Variants in NKAIN2 observed in about 807,000 individuals in gnomAD.
NKAIN2 encodes sodium/potassium-transporting ATPase subunit beta-1-interacting protein 2.
In NKAIN2, 14 loss-of-function variants were observed where a neutral mutation model predicts 32.6. The observed-to-expected ratio is 0.43, with a 90% confidence interval of 0.28 to 0.67. The LOEUF is 0.67. Among genes scored for constraint, NKAIN2 ranks in the 30% least tolerant of loss-of-function variants. The pLI, the probability that NKAIN2 is intolerant of heterozygous loss-of-function variation, is 0.17. For missense variants in NKAIN2, 198 were observed against 258.3 expected (o/e 0.77, Z 1.60); for synonymous variants, 80 against 87.2 (o/e 0.92, Z 0.46).
In NKAIN2 at chr6:124,824,648, A is replaced by G. The variant is rs1222432611; in HGVS notation, c.*1419A>G. ...CTCAGGCTTATCAGGAACTCAGATG[A>G]GTCATATTTTTTCTTGGATACACCT... On this transcript the variant is annotated 3_prime_UTR_variant, in exon 7 of 7. Transcript: ENST00000368417. 6.6e-6 allele frequency: 1 copy of G among 152,188 alleles called. No homozygotes were observed. Among genetic ancestry groups the G allele is most frequent in the African/African-American group, 2.4e-5 (1 of 41,446 alleles). The allele number at this position is 152,188 out of a possible 1,614,324, so 9.4% of individuals were successfully genotyped here. A position where few individuals can be genotyped will look rare whatever the true frequency, so the allele number is the denominator to read the frequency against.
chr6:124,549,985 A>C (rs1209657132), intron 3 of NKAIN2, among the ~76,000 whole-genome samples: 1 of 152,150 alleles, frequency 6.6e-6, no homozygotes, highest in Non-Finnish European at 1.5e-5. Flanking sequence ...ATACTTTGAG[A>C]CCACGCAAGT....
At chr6:124,495,818 G>T (rs2114735177) in intron 3 of NKAIN2, among the ~76,000 whole-genome samples, 1 of 152,168 alleles carries the variant, frequency 6.6e-6, no homozygotes, top group East Asian at 1.9e-4. Context: ...TTCCACCAGG[G>T]GTAGAGCCAA....
intron 2 of NKAIN2, among the ~76,000 whole-genome samples, chr6:124,311,363 A>T (rs1376515073): frequency 6.6e-6 from 1 of 152,160 alleles, no homozygotes; most frequent in Non-Finnish European, 1.5e-5. Flanking sequence ...CTCCGCATTT[A>T]ATAGGATTAT....
intron 3 of NKAIN2, among the ~76,000 whole-genome samples, chr6:124,412,046 A>T (rs1307996408): frequency 6.6e-6 from 1 of 151,710 alleles, no homozygotes; most frequent in Non-Finnish European, 1.5e-5. Flanking sequence ...TCCTTTAAGG[A>T]CTTCTCTGCA....
At chr6:124,061,776 C>T (rs1248950655) in intron 1 of NKAIN2, among the ~76,000 whole-genome samples, 1 of 151,850 alleles carries the variant, frequency 6.6e-6, no homozygotes, top group African/African-American at 2.4e-5. Flanking sequence ...AGTGAGTCCA[C>T]AAATACACAT....
intron 3 of NKAIN2, among the ~76,000 whole-genome samples, chr6:124,619,528 A>G (rs1168609093): frequency 6.6e-6 from 1 of 152,166 alleles, no homozygotes; most frequent in Non-Finnish European, 1.5e-5. Context: ...GAAAAAACAA[A>G]AGTTATAAAA....
intron 5 of NKAIN2, among the ~76,000 whole-genome samples, chr6:124,808,054 T>C (rs1780677998): frequency 6.6e-6 from 1 of 151,036 alleles, no homozygotes; most frequent in African/African-American, 2.4e-5. Context: ...CTACCAGAGG[T>C]ACAAGGAGGA....
chr6:124,429,189 C>A lies in NKAIN2; in HGVS notation c.273+73842C>A, dbSNP rs1269529595. Among the ~76,000 whole-genome samples, 3 of 151,178 alleles carry A rather than the reference C, an allele frequency of 2.0e-5. No homozygotes were observed. The East Asian group carries it at 5.9e-4, about 30-fold the overall frequency. ...AGTAGCTGGGATCACGGGTGCCCAC[C>A]ACCACTCCTGGCTAATTTTTTTTTT... On this transcript the variant is annotated intron_variant, in intron 3 of 6. Coordinates refer to ENST00000368417, the MANE Select transcript of NKAIN2 (RefSeq NM_001040214.3).
chr6:123,956,040 A>T (rs1303888798), intron 1 of NKAIN2, among the ~76,000 whole-genome samples: 3 of 152,116 alleles, frequency 2.0e-5, no homozygotes, highest in Non-Finnish European at 4.4e-5. Context: ...ACTTGGGAGA[A>T]TCTGAGCTAC....
chr6:123,916,282 T>C (rs1308291456), intron 1 of NKAIN2, among the ~76,000 whole-genome samples: 1 of 152,126 alleles, frequency 6.6e-6, no homozygotes, highest in Non-Finnish European at 1.5e-5. Flanking sequence ...AGACAGAGTC[T>C]CATTCTGTCA....
chr6:124,213,194 C>T (rs1791279133), intron 1 of NKAIN2, among the ~76,000 whole-genome samples: 1 of 152,034 alleles, frequency 6.6e-6, no homozygotes, highest in South Asian at 2.1e-4. Flanking sequence ...TATTTTATGC[C>T]ATGTATCAGT....
intron 3 of NKAIN2, among the ~76,000 whole-genome samples, chr6:124,433,210 T>A (rs1424285870): frequency 6.6e-6 from 1 of 152,156 alleles, no homozygotes; most frequent in East Asian, 1.9e-4. Context: ...ACTGGGCCAC[T>A]TTTTCCACTT....
chr6:124,235,752 C>T (rs1792718966), intron 1 of NKAIN2, among the ~76,000 whole-genome samples: 1 of 151,794 alleles, frequency 6.6e-6, no homozygotes, highest in Non-Finnish European at 1.5e-5. Flanking sequence ...GCACCCGTGA[C>T]CACTCCCAGC....
intron 1 of NKAIN2, among the ~76,000 whole-genome samples, chr6:124,173,479 G>A (rs1582790243): frequency 2.0e-5 from 3 of 152,112 alleles, no homozygotes; most frequent in Admixed American, 2.0e-4. Context: ...CTCAAAGATT[G>A]AGCCTTAAAG....
chr6:124,015,447 T>C (rs771945787), intron 1 of NKAIN2, among the ~76,000 whole-genome samples: 5 of 152,224 alleles, frequency 3.3e-5, no homozygotes, highest in African/African-American at 1.2e-4. Context: ...TTCATTCTCT[T>C]AAGTCTTTAG....
At chr6:123,951,663 T>C (rs1777332920) in intron 1 of NKAIN2, among the ~76,000 whole-genome samples, 1 of 151,918 alleles carries the variant, frequency 6.6e-6, no homozygotes, top group Admixed American at 6.6e-5. Context: ...ACAGGTGAGA[T>C]GAGTTTTCTT....
At chr6:124,637,723 A>G (rs1165713030) in intron 3 of NKAIN2, among the ~76,000 whole-genome samples, 1 of 152,108 alleles carries the variant, frequency 6.6e-6, no homozygotes, top group Non-Finnish European at 1.5e-5. Context: ...AAAGATCTCT[A>G]CAATGAAACA....
chr6:124,246,294 T>C (rs1041567026), intron 1 of NKAIN2, among the ~76,000 whole-genome samples: 2 of 152,102 alleles, frequency 1.3e-5, no homozygotes, highest in Admixed American at 1.3e-4. Flanking sequence ...CAAAAGACAT[T>C]GATGTCTCTC....
intron 3 of NKAIN2, among the ~76,000 whole-genome samples, chr6:124,482,872 C>T (rs1051076834): frequency 2.0e-5 from 3 of 152,168 alleles, no homozygotes; most frequent in African/African-American, 7.2e-5. Context: ...CGGTGGCTCA[C>T]GCCTGTAATC....
Sources: gnomAD v4.1 joint callset for allele counts (sites outside exome capture counted in the v4.1 genomes callset) on GRCh38, gnomAD v4.1.1 for gene constraint, MANE v1.5 for transcripts, NCBI Gene and HGNC (gene_info 2026-07-23, HGNC 2026-07-21) for gene names.